Variants in TLR1 observed in about 807,000 individuals in gnomAD.
TLR1 encodes the protein toll-like receptor 1.
A neutral mutation model predicts 20.2 loss-of-function variants in TLR1; 19 were observed. The observed-to-expected ratio is 0.94, with a 90% CI of 0.66 to 1.38. TLR1 has a LOEUF of 1.38. TLR1 is among the 40% of genes most tolerant of loss of function. The pLI is 0.00. For missense variants in TLR1, 921 were observed against 910.0 expected (o/e 1.01, Z -0.16); for synonymous variants, 320 against 334.5 (o/e 0.96, Z 0.47).
intron 2 of TLR1, among the ~76,000 whole-genome samples, chr4:38,801,571 C>G (rs1726647004): frequency 6.6e-6 from 1 of 152,180 alleles, no homozygotes; most frequent in Non-Finnish European, 1.5e-5. Flanking sequence ...ATGCCTGAAT[C>G]CAGATCAAGG....
rs144816981 is a variant in TLR1, at chr4:38,800,124, T to C, written c.-68+733A>G. ...AGAGTAGAAATCAAAATGAAGTGAA[T>C]GAGTAACCTATGGGAAGATCTGGGT... is the stretch of plus-strand genomic sequence containing the variant. On this transcript the variant is annotated intron_variant, in intron 3 of 3. Coordinates refer to ENST00000308979, the MANE Select transcript of TLR1 (RefSeq NM_003263.4). Among the ~76,000 whole-genome samples the C allele has an allele frequency of 3.3e-3, 499 of 152,238 alleles. 6 individuals carry two copies. Among genetic ancestry groups the C allele is most frequent in the African/African-American group, 0.012 (479 of 41,554 alleles).
At chr4:38,800,973 A>T (rs1241482865) in intron 2 of TLR1, 25 bp from the exon 3 acceptor site, 1 of 152,648 alleles carries the variant, frequency 6.6e-6, no homozygotes, top group Non-Finnish European at 1.5e-5. Flanking sequence ...TGATGCAGAC[A>T]TTAATGTTCA....
chr4:38,804,095 T>C (rs5743568), intron 2 of TLR1, among the ~76,000 whole-genome samples: 108 of 152,378 alleles, frequency 7.1e-4, no homozygotes, highest in African/African-American at 2.5e-3. Context: ...AGAACTGTTC[T>C]GCTTTGCTTT....
rs751225425 is a variant in TLR1, at chr4:38,798,808, G to A, written c.24C>T (p.Ala8=). Residue 8 remains alanine, a synonymous_variant, in exon 4 of 4, where the codon GCC becomes GCT. Coordinates refer to ENST00000308979, the MANE Select transcript of TLR1 (RefSeq NM_003263.4). MTSIFHF[A]IIFMLILQIR... ...TCTGAAGTATTAACATGAAGATAATGGCAAAATGGAAGATGCTAGTCATTT... is the reference window on the plus strand; with the variant it reads ...TCTGAAGTATTAACATGAAGATAATAGCAAAATGGAAGATGCTAGTCATTT... The A allele has an allele frequency of 1.9e-6, 3 of 1,597,900 alleles. No individual in the cohort carries two copies. The South Asian group carries it at 3.4e-5, about 18-fold the overall frequency.
chr4:38,796,458 C>G lies in TLR1; in HGVS notation c.*13G>C. On this transcript the variant is annotated 3_prime_UTR_variant, in exon 4 of 4. Transcript: ENST00000308979. Reference sequence around the variant, plus strand: ...ATATCAACAGGAGGAATATTTTTCACTTGATGTGTAATCTATTTCTTTGCT... The same window carrying G: ...ATATCAACAGGAGGAATATTTTTCAGTTGATGTGTAATCTATTTCTTTGCT... 1.3e-6 allele frequency: 2 copies of G among 1,595,746 alleles called. No homozygotes were observed. The highest frequency in any genetic ancestry group is 1.7e-6 in the Non-Finnish European group (2 of 1,167,756).
chr4:38,803,112 T>A (rs1354696304), intron 2 of TLR1, among the ~76,000 whole-genome samples: 2 of 152,226 alleles, frequency 1.3e-5, no homozygotes, highest in African/African-American at 2.4e-5. Flanking sequence ...GCTGCCGAAC[T>A]AAGCAGCCAG....
downstream of TLR1, among the ~76,000 whole-genome samples, chr4:38,796,003 C>T (rs1219452863): frequency 6.6e-6 from 1 of 152,198 alleles, no homozygotes; most frequent in Non-Finnish European, 1.5e-5. Context: ...GAGGAACCTT[C>T]AGGCATAGTG....
intron 3 of TLR1, among the ~76,000 whole-genome samples, chr4:38,799,601 G>C (rs999573307): frequency 2.0e-5 from 3 of 152,160 alleles, no homozygotes; most frequent in Admixed American, 6.5e-5. Context: ...CTGGCCCCAA[G>C]CTTCCCAAAA....
Position 38,798,563 on chromosome 4 carries a change from T to G in TLR1, c.269A>C (p.Lys90Thr), listed in dbSNP as rs778643984. The G allele has an allele frequency of 1.2e-6, 2 of 1,614,170 alleles. No homozygotes were observed. Among genetic ancestry groups the G allele is most frequent in the Non-Finnish European group, 1.7e-6 (2 of 1,180,018 alleles). The change falls in exon 4 of 4, where the codon AAA becomes ACA. Residue 90 changes from lysine to threonine, a missense_variant. Physicochemically the swap from Lys to Thr is moderately conservative, Grantham distance 78. Coordinates refer to ENST00000308979, the MANE Select transcript of TLR1 (RefSeq NM_003263.4). ...CAAGTATTCCAATTCCTGGTTGAAT[T>G]TGAAAACACTGATATCAAGATACTG... is the stretch of plus-strand genomic sequence containing the variant. ...RIQYLDISVF[K>T]FNQELEYLDL...
chr4:38,803,622 T>C (rs1315428652), intron 2 of TLR1, among the ~76,000 whole-genome samples: 2 of 152,256 alleles, frequency 1.3e-5, no homozygotes, highest in African/African-American at 4.8e-5. Context: ...TTTTAATACT[T>C]CCAGGATCTT....
At chr4:38,800,578 C>G (rs1199229324) in intron 3 of TLR1, 2 of 151,948 alleles carry the variant, frequency 1.3e-5, no homozygotes, top group Non-Finnish European at 2.9e-5. Context: ...GGGATGAACT[C>G]TAGAGTGTGC....
At position 38,797,315 on chromosome 4, in the gene TLR1, G is replaced by A. The variant is rs750892111; in HGVS notation, c.1517C>T (p.Ser506Leu). 73 of 1,614,058 alleles carry A rather than the reference G, an allele frequency of 4.5e-5. No individual in the cohort carries two copies. The highest frequency in any genetic ancestry group is 5.6e-5 in the Non-Finnish European group (66 of 1,180,020). Residue 506 changes from serine (S) to leucine (L), a missense_variant, in exon 4 of 4, where the codon TCG becomes TTG. By Grantham distance (145) the Ser-to-Leu change is moderately radical (BLOSUM62 -2). Transcript: ENST00000308979. The part of the protein sequence containing the change: ...IIDHNSVSHP[S>L]ADFFQSCQKM... ...CTGGCAGCTCTGGAAGAAATCAGCCGATGGGTGGGAAACTGAATTGTGATC... is the reference window on the plus strand; with the variant it reads ...CTGGCAGCTCTGGAAGAAATCAGCCAATGGGTGGGAAACTGAATTGTGATC...
rs540029299 is a variant in TLR1, at chr4:38,799,143, G to A, written c.-67-245C>T. 2.0e-5 allele frequency among the ~76,000 whole-genome samples: 3 copies of A among 152,298 alleles called. No homozygotes were observed. In the South Asian group the frequency reaches 6.2e-4, roughly 32 times the overall value. ...TGAATGGTGGCTCACCAAAAGATATGTCTACATCTTAACCATGTCCTAATC... is the reference window on the plus strand; with the variant it reads ...TGAATGGTGGCTCACCAAAAGATATATCTACATCTTAACCATGTCCTAATC... On this transcript the variant is annotated intron_variant, in intron 3 of 3. Coordinates refer to ENST00000308979, the MANE Select transcript of TLR1 (RefSeq NM_003263.4).
chr4:38,791,231 C>T (rs1391601580), exon 4 of TLR1: 1 of 152,108 alleles, frequency 6.6e-6, no homozygotes, highest in African/African-American at 2.4e-5. Flanking sequence ...GAACTGTTTT[C>T]CTGTAAACAC....
Position 38,797,905 on chromosome 4 carries a change from G to A in TLR1, c.927C>T (p.Ser309=), listed in dbSNP as rs747282142. 8 of 1,613,870 alleles carry A rather than the reference G, an allele frequency of 5.0e-6. No individual in the cohort carries two copies. The highest frequency in any genetic ancestry group is 2.2e-5 in the South Asian group (2 of 91,074). The change falls in exon 4 of 4, where the codon AGC becomes AGT. Residue 309 remains serine, a synonymous_variant. Transcript: ENST00000308979. The part of the protein sequence containing the change: ...LKALSIHQVV[S]DVFGFPQSYI... ...AACTTTGCGGAAAACCGAACACATCGCTGACAACTTGGTGTATAGACAAGG... is the reference window on the plus strand; with the variant it reads ...AACTTTGCGGAAAACCGAACACATCACTGACAACTTGGTGTATAGACAAGG...
chr4:38,792,666 T>C (rs1390395004), downstream of TLR1, among the ~76,000 whole-genome samples: 1 of 152,058 alleles, frequency 6.6e-6, no homozygotes, highest in Non-Finnish European at 1.5e-5. Context: ...TAAATGGTTG[T>C]ACAATATGTC....
downstream of TLR1, among the ~76,000 whole-genome samples, chr4:38,788,214 A>G (rs1034889283): frequency 6.6e-6 from 1 of 152,232 alleles, no homozygotes; most frequent in African/African-American, 2.4e-5. Flanking sequence ...AGAACAAGGG[A>G]AACACAAATA....
chr4:38,805,336 G>A (rs1223441419), upstream of TLR1: 20 of 152,120 alleles, frequency 1.3e-4, no homozygotes, highest in Admixed American at 1.3e-3. Context: ...GAGAAAATTT[G>A]GTGCTGAATT....
downstream of TLR1, among the ~76,000 whole-genome samples, chr4:38,792,853 TTATATATATATA>T (rs72518392): frequency 2.5e-5 from 3 of 122,218 alleles, no homozygotes; most frequent in Non-Finnish European, 5.3e-5. Context: ...TATTTTCAAA[TTATATATATATA>T]TATATATATA....
Sources: allele counts gnomAD v4.1 joint callset (sites outside exome capture counted in the v4.1 genomes callset), GRCh38; gene constraint gnomAD v4.1.1; transcripts MANE v1.5; gene names NCBI Gene and HGNC (gene_info 2026-07-23, HGNC 2026-07-21).